Variants in PI4KA observed in about 807,000 individuals in gnomAD.
PI4KA encodes the protein PI4-kinase alpha.
Under a neutral mutation model 271.4 loss-of-function variants are expected in PI4KA, and 122 were observed. The observed-to-expected ratio is 0.45, with a 90% CI of 0.39 to 0.52. The LOEUF (loss-of-function observed/expected upper bound fraction) is 0.52, where lower values mean the gene tolerates loss of function less well. PI4KA is among the 20% of genes least tolerant of loss of function. The pLI, the probability that PI4KA is intolerant of heterozygous loss-of-function variation, is 0.00. For synonymous variants in PI4KA, 1,041 were observed against 1,078.8 expected (o/e 0.96, Z 0.69); for missense variants, 1,969 against 2,769.1 (o/e 0.71, Z 6.48).
intron 9 of PI4KA, among the ~76,000 whole-genome samples, chr22:20,808,019 G>T (rs919315166): frequency 1.8e-4 from 27 of 152,082 alleles, no homozygotes; most frequent in African/African-American, 6.3e-4. Flanking sequence ...GCCCGGGTGT[G>T]GTGGCTCACG....
At chr22:20,779,083 C>A in intron 19 of PI4KA, 1 of 1,129,866 alleles carries the variant, frequency 8.9e-7, no homozygotes, top group Non-Finnish European at 1.2e-6. Context: ...AAGGGGCCCA[C>A]AGATCCTTCA....
At chr22:20,733,664 G>T (rs1928337456) in intron 35 of PI4KA, 72 bp downstream of exon 35, 5 of 1,612,558 alleles carry the variant, frequency 3.1e-6, no homozygotes, top group Non-Finnish European at 8.5e-7. Flanking sequence ...CTTCCTGGGG[G>T]TTTGGGGCGA....
intron 16 of PI4KA, 75 bp downstream of exon 16, chr22:20,799,018 T>C: frequency 8.2e-7 from 1 of 1,225,326 alleles, no homozygotes; most frequent in Non-Finnish European, 1.2e-6. Context: ...AATCTGTATT[T>C]GTACATCCCT....
chr22:20,714,022 C>A (rs1925666014), intron 47 of PI4KA, among the ~76,000 whole-genome samples: 1 of 152,220 alleles, frequency 6.6e-6, no homozygotes. Flanking sequence ...GGGAGTGGAG[C>A]ATCTGCAGGC....
intron 1 of PI4KA, among the ~76,000 whole-genome samples, chr22:20,841,710 TAATTA>T (rs1200129237): frequency 2.0e-5 from 3 of 152,196 alleles, no homozygotes; most frequent in African/African-American, 4.8e-5. Flanking sequence ...CTTCCAGATC[TAATTA>T]AATTAAGAAC....
At chr22:20,837,391 G>A (rs1298095335) in intron 2 of PI4KA, among the ~76,000 whole-genome samples, 2 of 151,888 alleles carry the variant, frequency 1.3e-5, no homozygotes, top group African/African-American at 4.8e-5. Flanking sequence ...TAAATAAATA[G>A]CAGAAGAAAG....
At chr22:20,746,061 A>T (rs1037143879) in intron 29 of PI4KA, among the ~76,000 whole-genome samples, 5 of 71,582 alleles carry the variant, frequency 7.0e-5, no homozygotes, top group Admixed American at 2.2e-4. Flanking sequence ...AAAAAAAAGA[A>T]TTTTTTTTTT....
At chr22:20,752,495 C>T (rs1040666254) in intron 25 of PI4KA, among the ~76,000 whole-genome samples, 3 of 152,174 alleles carry the variant, frequency 2.0e-5, no homozygotes, top group African/African-American at 7.2e-5. Flanking sequence ...TCTGTTTTGG[C>T]TCCCAGAACA....
intron 42 of PI4KA, among the ~76,000 whole-genome samples, chr22:20,723,359 A>G (rs994269811): frequency 6.6e-6 from 1 of 152,032 alleles, no homozygotes; most frequent in Non-Finnish European, 1.5e-5. Context: ...ACAAATATGT[A>G]TATACATTTG....
At chr22:20,721,264 G>C (rs372500121) in intron 43 of PI4KA, 34 bp downstream of exon 43, 8 of 1,612,174 alleles carry the variant, frequency 5.0e-6, no homozygotes, top group Non-Finnish European at 6.8e-6. Context: ...ACTGAAGACA[G>C]TAAGTGAGGC....
At chr22:20,744,327 A>T (rs1929817248) in intron 30 of PI4KA, among the ~76,000 whole-genome samples, 2 of 152,222 alleles carry the variant, frequency 1.3e-5, no homozygotes, top group Non-Finnish European at 2.9e-5. Context: ...AGTGCCCAAG[A>T]GCCTATGGCA....
Position 20,858,624 on chromosome 22 carries a change from C to A in PI4KA, c.102G>T (p.Thr34=), listed in dbSNP as rs1428572954. ...CCAGGGAGCGGGCCAGTGACAGGAC[C>A]GTGTTGAAATAGAAGCCCCGCGAGG... is the stretch of plus-strand genomic sequence containing the variant. ...SSASRGFYFN[T]VLSLARSLAV... is the part of the protein sequence containing the mutation. The change falls in exon 1 of 55, where the codon ACG becomes ACT. Residue 34 remains threonine (T), a synonymous_variant. Transcript: ENST00000255882. The A allele has an allele frequency of 2.0e-6, 3 of 1,487,140 alleles. No individual in the cohort carries two copies. The highest frequency in any genetic ancestry group is 1.5e-5 in the African/African-American group (1 of 68,832). The allele number at this position is 1,487,140 out of a possible 1,614,324, so 92.1% of individuals were successfully genotyped here. A position where few individuals can be genotyped will look rare whatever the true frequency, so the allele number is the denominator to read the frequency against.
chr22:20,836,653 G>A (rs1924903427), intron 2 of PI4KA, among the ~76,000 whole-genome samples: 1 of 152,206 alleles, frequency 6.6e-6, no homozygotes, highest in South Asian at 2.1e-4. Flanking sequence ...GGGAAGCAAG[G>A]AATATAAGCA....
intron 4 of PI4KA, among the ~76,000 whole-genome samples, chr22:20,822,080 T>C (rs1216926146): frequency 1.3e-5 from 2 of 152,126 alleles, no homozygotes; most frequent in Non-Finnish European, 2.9e-5. Context: ...GCCGAGGATA[T>C]AGTGAGCCAA....
intron 54 of PI4KA, 97 bp downstream of exon 54, chr22:20,709,199 G>C: frequency 1.2e-5 from 9 of 742,986 alleles, no homozygotes; most frequent in South Asian, 1.1e-4. Context: ...GGCGGCTTGG[G>C]GACAGCAGAA....
intron 38 of PI4KA, 32 bp downstream of exon 38, chr22:20,729,600 G>T: frequency 6.4e-7 from 1 of 1,554,952 alleles, no homozygotes. Context: ...CAGGTGGCGG[G>T]CAGCAGGCAC....
chr22:20,858,667 G>GAGCAGC lies in PI4KA; in HGVS notation c.53_58dup (p.Cys19_Ser20insCysCys). ...CCGCGAGGCGCTGGAGCCGGAGCCG[G>GAGCAGC]AGCAGCCGCCGCCGCCTCCGCCTCC... On this transcript the variant is annotated inframe_insertion, in exon 1 of 55. Coordinates refer to ENST00000255882, the MANE Select transcript of PI4KA (RefSeq NM_058004.4). 1 of 1,474,756 alleles carries GAGCAGC rather than the reference G, an allele frequency of 6.8e-7. No individual in the cohort carries two copies. Among genetic ancestry groups the GAGCAGC allele is most frequent in the South Asian group, 1.3e-5 (1 of 78,072 alleles). The allele number at this position is 1,474,756 out of a possible 1,614,324, so 91.4% of individuals were successfully genotyped here.
At chr22:20,741,150 A>C (rs1929389648) in intron 32 of PI4KA, among the ~76,000 whole-genome samples, 1 of 152,220 alleles carries the variant, frequency 6.6e-6, no homozygotes, top group African/African-American at 2.4e-5. Context: ...AATTAGAGGG[A>C]GAAATTGGGT....
rs560906188 is a variant in PI4KA at position 20,719,339 on chromosome 22, T to C, written c.5117-517A>G. 9.9e-5 allele frequency among the ~76,000 whole-genome samples: 15 copies of C among 151,922 alleles called. No homozygotes were observed. In the South Asian group the frequency reaches 2.7e-3, roughly 27 times the overall value. The stretch of plus-strand genomic sequence containing the variant: ...AAATCCCAGGCTGAATTTAAATTCC[T>C]GGGCTCAAGAGATCCTCCTGTCTCA... On this transcript the variant is annotated intron_variant, in intron 43 of 54. Transcript: ENST00000255882.
Sources: gnomAD v4.1 joint callset for allele counts (sites outside exome capture counted in the v4.1 genomes callset) on GRCh38, gnomAD v4.1.1 for gene constraint, MANE v1.5 for transcripts, NCBI Gene and HGNC (gene_info 2026-07-23, HGNC 2026-07-21) for gene names.